The following TMEM182 variants were observed in gnomAD, a reference collection of about 807,000 sequenced individuals.
TMEM182 encodes the protein transmembrane protein 182.
TMEM182 carries 20 observed loss-of-function variants against 26.8 expected under a neutral mutation model. The ratio of observed to expected loss-of-function variants is 0.75; its 90% CI spans 0.53 to 1.09. TMEM182 has a LOEUF of 1.09. TMEM182 is among the 50% of genes least tolerant of loss of function. The probability of loss-of-function intolerance (pLI) is 0.00; values close to 1 mark genes in which losing one functional copy is unlikely to be tolerated. For synonymous variants in TMEM182, 109 were observed against 102.2 expected (o/e 1.07, Z -0.40); for missense variants, 277 against 275.5 (o/e 1.01, Z -0.04).
At chr2:102,790,420 C>A (rs1246959045) in intron 3 of TMEM182, among the ~76,000 whole-genome samples, 1 of 152,162 alleles carries the variant, frequency 6.6e-6, no homozygotes, top group African/African-American at 2.4e-5. Flanking sequence ...TACTCTATTT[C>A]TCTGGAAAAA....
At chr2:102,759,069 G>A (rs1240867595), upstream of TMEM182, among the ~76,000 whole-genome samples, 1 of 152,026 alleles carries the variant, frequency 6.6e-6, no homozygotes, top group South Asian at 2.1e-4. Context: ...CCAGAAAGAT[G>A]ATCCTTTTCT....
At chr2:102,747,315 C>G (rs1679730669) in intron 1 of TMEM182, among the ~76,000 whole-genome samples, 1 of 152,178 alleles carries the variant, frequency 6.6e-6, no homozygotes. Context: ...TGGACATTGT[C>G]TTTGCCAGGG....
chr2:102,783,324 CA>C (rs1287660524), intron 3 of TMEM182, among the ~76,000 whole-genome samples: 1 of 152,142 alleles, frequency 6.6e-6, no homozygotes, highest in Non-Finnish European at 1.5e-5. Flanking sequence ...TCAATGTATG[CA>C]GTTCATTATC....
At position 102,826,254 on chromosome 2, in the gene TMEM182, C is replaced by G. The variant is rs559605749; in HGVS notation, c.326-17158C>G. The stretch of plus-strand genomic sequence containing the variant: ...CTGAGGCTCTTCACTTTCCTCCAAG[C>G]AAAATAACTGGGCAAAGCCCCAGTG... On this transcript the variant is annotated intron_variant, in intron 3 of 3. Transcript: ENST00000486293. Among the ~76,000 whole-genome samples the G allele has an allele frequency of 1.2e-4, 18 of 149,844 alleles. 1 individual carries two copies. The South Asian group carries it at 3.8e-3, about 32-fold the overall frequency.
intron 3 of TMEM182, among the ~76,000 whole-genome samples, chr2:102,771,108 C>A (rs528708593): frequency 6.6e-6 from 1 of 152,134 alleles, no homozygotes; most frequent in Non-Finnish European, 1.5e-5. Context: ...GCAAATCACT[C>A]CAAATACTTC....
At chr2:102,773,889 C>A (rs1301660796) in intron 3 of TMEM182, among the ~76,000 whole-genome samples, 1 of 152,028 alleles carries the variant, frequency 6.6e-6, no homozygotes, top group East Asian at 1.9e-4. Context: ...ATGAACATCA[C>A]CCGTAAAAAA....
At position 102,837,550 on chromosome 2, in the gene TMEM182, G is replaced by T. The variant is rs377518658; in HGVS notation, c.326-5862G>T. Among the ~76,000 whole-genome samples, 52 of 68,918 alleles carry T rather than the reference G, an allele frequency of 7.5e-4. No individual in the cohort carries two copies. The East Asian group carries it at 0.019, about 25-fold the overall frequency. 45.2% of individuals were successfully genotyped at this position (68,918 alleles called of 152,430 possible). ...GTCAGTGCTGTGGGGGGTTCGGGGG[G>T]TTCAGGGGGTCTGGGGGCTGTTGTG... is the stretch of plus-strand genomic sequence containing the variant. On this transcript the variant is annotated intron_variant, in intron 3 of 3. Transcript: ENST00000486293.
intron 3 of TMEM182, among the ~76,000 whole-genome samples, chr2:102,831,557 G>A (rs1683150968): frequency 6.6e-6 from 1 of 152,190 alleles, no homozygotes; most frequent in South Asian, 2.1e-4. Flanking sequence ...AGGAGTTTAA[G>A]ACAAGCCTGG....
chr2:102,758,376 TA>T, upstream of TMEM182: 1 of 700,570 alleles, frequency 1.4e-6, no homozygotes, highest in East Asian at 2.7e-5. Context: ...GAATGGCTGT[TA>T]AAATTCCTTA....
At chr2:102,794,240 T>C (rs1449134458) in intron 3 of TMEM182, among the ~76,000 whole-genome samples, 1 of 152,194 alleles carries the variant, frequency 6.6e-6, no homozygotes, top group East Asian at 1.9e-4. Flanking sequence ...CAAAGTTACC[T>C]TGCAAGAAAG....
rs146255147 is a variant in TMEM182 at position 102,791,822 on chromosome 2, T to C, written c.332-6041T>C. ...AATGGATTTTTAGAGATGCTTCTAC[T>C]AGGCACAGTCCAAAATCTTCAAAGA... On this transcript the variant is annotated intron_variant, in intron 3 of 4. Coordinates refer to ENST00000412401, the MANE Select transcript of TMEM182 (RefSeq NM_144632.5). 2.8e-4 allele frequency among the ~76,000 whole-genome samples: 43 copies of C among 152,264 alleles called. 1 individual carries two copies. Among genetic ancestry groups the C allele is most frequent in the Admixed American group, 1.4e-3 (21 of 15,284 alleles).
chr2:102,830,177 A>C (rs758751671), intron 3 of TMEM182, among the ~76,000 whole-genome samples: 1 of 152,182 alleles, frequency 6.6e-6, no homozygotes, highest in Admixed American at 6.5e-5. Context: ...TGCTGTTTTC[A>C]TGTGTCTAAA....
chr2:102,750,343 A>G (rs1325697076), intron 1 of TMEM182, among the ~76,000 whole-genome samples: 1 of 152,230 alleles, frequency 6.6e-6, no homozygotes, highest in African/African-American at 2.4e-5. Flanking sequence ...GAAAACTGAA[A>G]TAGACCAGCT....
At chr2:102,824,389 G>A (rs1359561499) in intron 3 of TMEM182, among the ~76,000 whole-genome samples, 1 of 152,180 alleles carries the variant, frequency 6.6e-6, no homozygotes, top group Non-Finnish European at 1.5e-5. Context: ...GTTGGAGGAG[G>A]AGTCTGGTGG....
chr2:102,793,679 G>C (rs377416524), intron 3 of TMEM182, among the ~76,000 whole-genome samples: 39 of 152,090 alleles, frequency 2.6e-4, no homozygotes, highest in African/African-American at 9.4e-4. Flanking sequence ...GCAAGTACTA[G>C]GTAAATTGTT....
At chr2:102,758,420 A>G (rs1431894496), upstream of TMEM182, 2 of 715,946 alleles carry the variant, frequency 2.8e-6, no homozygotes, top group Non-Finnish European at 5.2e-6. Flanking sequence ...GTTTCAAGTG[A>G]CAGGCAAATG....
downstream of TMEM182, among the ~76,000 whole-genome samples, chr2:102,818,223 A>C (rs1682817008): frequency 6.6e-6 from 1 of 152,206 alleles, no homozygotes; most frequent in Non-Finnish European, 1.5e-5. Context: ...ATTTTTATTG[A>C]TTGTATGAAG....
chr2:102,781,789 A>G (rs1453832679), intron 3 of TMEM182, among the ~76,000 whole-genome samples: 1 of 152,190 alleles, frequency 6.6e-6, no homozygotes, highest in Non-Finnish European at 1.5e-5. Context: ...CATTTGACGT[A>G]AGGTTTTGCC....
At chr2:102,778,503 A>AGACCATTTGTATTTAGAC (rs1385678292) in intron 3 of TMEM182, among the ~76,000 whole-genome samples, 2 of 151,962 alleles carry the variant, frequency 1.3e-5, no homozygotes, top group East Asian at 3.9e-4. Context: ...TTTATATTTA[A>AGACCATTTGTATTTAGAC]CATTATTAGT....
Sources: gnomAD v4.1 joint callset for allele counts (sites outside exome capture counted in the v4.1 genomes callset) on GRCh38, gnomAD v4.1.1 for gene constraint, MANE v1.5 for transcripts, NCBI Gene and HGNC (gene_info 2026-07-23, HGNC 2026-07-21) for gene names.